The following IMMP1L variants were observed in gnomAD, a reference collection of about 807,000 sequenced individuals.
IMMP1L encodes inner mitochondrial membrane peptidase subunit 1.
Under a neutral mutation model 21.8 loss-of-function variants are expected in IMMP1L, and 24 were observed. That is an observed-to-expected ratio of 1.10 (90% CI 0.80 to 1.55). The LOEUF (loss-of-function observed/expected upper bound fraction) is 1.55, where lower values mean the gene tolerates loss of function less well. IMMP1L is among the 40% of genes most tolerant of loss of function. IMMP1L has a pLI of 0.00. For synonymous variants in IMMP1L, 46 were observed against 62.8 expected (o/e 0.73, Z 1.26); for missense variants, 195 against 200.7 (o/e 0.97, Z 0.17).
intron 4 of IMMP1L, among the ~76,000 whole-genome samples, chr11:31,447,289 G>A (rs1953559466): frequency 1.3e-5 from 2 of 152,156 alleles, no homozygotes; most frequent in Admixed American, 1.3e-4. Context: ...CCAGTGGTCT[G>A]GCTGCTTCTG....
intron 4 of IMMP1L, among the ~76,000 whole-genome samples, chr11:31,441,334 T>C (rs540606128): frequency 6.6e-6 from 1 of 151,536 alleles, no homozygotes; most frequent in East Asian, 1.9e-4. Context: ...GCTTTTTTTT[T>C]TTTTTTTGTC....
chr11:31,500,593 G>GCGCACA (rs1554952088), intron 1 of IMMP1L, among the ~76,000 whole-genome samples: 1 of 55,274 alleles, frequency 1.8e-5, no homozygotes, highest in African/African-American at 8.4e-5. Flanking sequence ...TTCCACATAT[G>GCGCACA]CACACACACA....
intron 4 of IMMP1L, among the ~76,000 whole-genome samples, chr11:31,438,226 T>C (rs1953191087): frequency 6.6e-6 from 1 of 152,184 alleles, no homozygotes; most frequent in African/African-American, 2.4e-5. Flanking sequence ...CACTTGGTAT[T>C]ATCAGTTTTT....
intron 1 of IMMP1L, 36 bp from the exon 2 acceptor site, chr11:31,463,341 C>A: frequency 1.3e-6 from 2 of 1,529,200 alleles, no homozygotes; most frequent in South Asian, 1.3e-5. Context: ...ATGATCAATA[C>A]TATTTAAAAA....
At chr11:31,509,219 A>T (rs1393325371) in intron 1 of IMMP1L, among the ~76,000 whole-genome samples, 4 of 152,188 alleles carry the variant, frequency 2.6e-5, no homozygotes, top group African/African-American at 9.7e-5. Context: ...ACCACCTACC[A>T]CTAGGCACTA....
At chr11:31,489,739 T>C (rs1463144764) in intron 1 of IMMP1L, among the ~76,000 whole-genome samples, 1 of 152,120 alleles carries the variant, frequency 6.6e-6, no homozygotes, top group Non-Finnish European at 1.5e-5. Context: ...TCTCTCTTTA[T>C]GACACTACCA....
intron 1 of IMMP1L, among the ~76,000 whole-genome samples, chr11:31,486,985 C>T (rs1955099495): frequency 6.6e-6 from 1 of 151,526 alleles, no homozygotes; most frequent in South Asian, 2.1e-4. Context: ...TTCTGGGATG[C>T]CAGTAATACT....
In IMMP1L at chr11:31,442,683, AC is replaced by A. The variant is rs1953377170; in HGVS notation, c.322-9114del. Reference sequence around the variant, plus strand: ...TGGTTCTAAAATGACCGCAAAGAAAACAAAACAATAGTCATGAAAGAAACAA... The same window carrying A: ...TGGTTCTAAAATGACCGCAAAGAAAAAAAACAATAGTCATGAAAGAAACAA... On this transcript the variant is annotated intron_variant, in intron 4 of 5. Coordinates refer to ENST00000532287, the MANE Select transcript of IMMP1L (RefSeq NM_001304274.2). Among the ~76,000 whole-genome samples the A allele has an allele frequency of 2.6e-5, 4 of 152,174 alleles. No individual in the cohort carries two copies. In the South Asian group the frequency reaches 8.3e-4, roughly 31 times the overall value.
chr11:31,496,637 A>G lies in IMMP1L; in HGVS notation c.-30+12882T>C, dbSNP rs569897805. On this transcript the variant is annotated intron_variant, in intron 1 of 5. Coordinates refer to ENST00000532287, the MANE Select transcript of IMMP1L (RefSeq NM_001304274.2). ...TATATGTGTGTGTGTGTGTGTGTGT[A>G]TATTATAAATATGTTATCTTATATA... Among the ~76,000 whole-genome samples the G allele has an allele frequency of 5.4e-3, 819 of 150,406 alleles. 6 individuals carry two copies. The highest frequency in any genetic ancestry group is 0.018 in the African/African-American group (725 of 40,600).
chr11:31,482,815 T>C (rs1954943309), intron 1 of IMMP1L, among the ~76,000 whole-genome samples: 1 of 152,036 alleles, frequency 6.6e-6, no homozygotes, highest in Non-Finnish European at 1.5e-5. Context: ...AACATATATA[T>C]GTTGCTGACC....
At chr11:31,438,833 T>C (rs1462258096) in intron 4 of IMMP1L, among the ~76,000 whole-genome samples, 2 of 152,202 alleles carry the variant, frequency 1.3e-5, no homozygotes, top group African/African-American at 4.8e-5. Flanking sequence ...GCATCATTAA[T>C]CACAGTCCAC....
intron 1 of IMMP1L, among the ~76,000 whole-genome samples, chr11:31,504,693 A>G (rs1955727643): frequency 6.6e-6 from 1 of 152,202 alleles, no homozygotes; most frequent in Admixed American, 6.5e-5. Context: ...CATTTATATA[A>G]TACTATACAG....
intron 2 of IMMP1L, among the ~76,000 whole-genome samples, chr11:31,462,878 T>C (rs1034626332): frequency 3.3e-5 from 5 of 152,082 alleles, no homozygotes; most frequent in Admixed American, 1.3e-4. Flanking sequence ...ACACAGTAAA[T>C]AGGATTCAAT....
chr11:31,437,364 T>TC (rs1953159742), intron 4 of IMMP1L, among the ~76,000 whole-genome samples: 1 of 152,192 alleles, frequency 6.6e-6, no homozygotes, highest in Non-Finnish European at 1.5e-5. Context: ...TGACTATGAC[T>TC]CGTCATGTGA....
intron 1 of IMMP1L, among the ~76,000 whole-genome samples, chr11:31,499,957 A>AATAC (rs1465655962): frequency 1.3e-5 from 2 of 150,624 alleles, no homozygotes; most frequent in African/African-American, 4.9e-5. Flanking sequence ...TAAATAAATA[A>AATAC]ATAAATAAAT....
At chr11:31,469,490 G>T (rs932551640) in intron 1 of IMMP1L, among the ~76,000 whole-genome samples, 1 of 152,156 alleles carries the variant, frequency 6.6e-6, no homozygotes, top group African/African-American at 2.4e-5. Flanking sequence ...TATACCGGCA[G>T]ATTCTGCCTA....
intron 3 of IMMP1L, among the ~76,000 whole-genome samples, chr11:31,459,700 T>C (rs1361990221): frequency 3.3e-5 from 5 of 152,066 alleles, no homozygotes; most frequent in Non-Finnish European, 5.9e-5. Flanking sequence ...ATCTCCCAGG[T>C]TCAAGCAATT....
chr11:31,495,971 A>G (rs909523095), intron 1 of IMMP1L, among the ~76,000 whole-genome samples: 1 of 152,202 alleles, frequency 6.6e-6, no homozygotes, highest in Non-Finnish European at 1.5e-5. Flanking sequence ...AAAAGAAATA[A>G]AAATATATAA....
intron 1 of IMMP1L, among the ~76,000 whole-genome samples, chr11:31,499,366 A>AAAAACAAAAC (rs144325871): frequency 0.028 from 4,283 of 150,622 alleles, 215 homozygotes; most frequent in African/African-American, 0.098. Flanking sequence ...CTCCGTATCA[A>AAAAACAAAAC]AAAACAAAAC....
Sources: allele counts gnomAD v4.1 joint callset (sites outside exome capture counted in the v4.1 genomes callset), GRCh38; gene constraint gnomAD v4.1.1; transcripts MANE v1.5; gene names NCBI Gene and HGNC (gene_info 2026-07-23, HGNC 2026-07-21).